The following ZNF90 variants were observed in gnomAD, a reference collection of about 807,000 sequenced individuals.
ZNF90 encodes zinc finger protein HTF9.
ZNF90 carries 11 observed loss-of-function variants against 12.0 expected under a neutral mutation model. The ratio of observed to expected loss-of-function variants is 0.92; its 90% CI spans 0.58 to 1.52. The LOEUF (loss-of-function observed/expected upper bound fraction) is 1.52. Among genes scored for constraint, ZNF90 ranks in the 40% most tolerant of loss-of-function variants. The pLI is 0.00. For missense variants in ZNF90, 765 were observed against 711.5 expected (o/e 1.08, Z -0.86); for synonymous variants, 232 against 240.1 (o/e 0.97, Z 0.31).
chr19:20,080,809 T>G (rs146387858), intron 1 of ZNF90, among the ~76,000 whole-genome samples: 1 of 152,208 alleles, frequency 6.6e-6, no homozygotes, highest in East Asian at 1.9e-4. Flanking sequence ...CTGTGCTGAC[T>G]CTGGGTGGTG....
Position 20,118,060 on chromosome 19 carries a change from G to T in ZNF90, c.506G>T (p.Gly169Val). ...AACAGACATAAGATAAGAGATACTG[G>T]AAAAAAACCTTTCAAATGTATAGAA... ...NSNRHKIRDT[G>V]KKPFKCIECG... The change falls in exon 4 of 4, where the codon GGA becomes GTA. Residue 169 changes from glycine (G) to valine (V), a missense_variant. Coordinates refer to ENST00000418063, the MANE Select transcript of ZNF90 (RefSeq NM_007138.2). The T allele has an allele frequency of 6.2e-7, 1 of 1,612,632 alleles. No homozygotes were observed. Among genetic ancestry groups the T allele is most frequent in the South Asian group, 1.1e-5 (1 of 90,984 alleles).
At chr19:20,116,076 T>G (rs2122526689) in intron 3 of ZNF90, among the ~76,000 whole-genome samples, 2 of 152,306 alleles carry the variant, frequency 1.3e-5, no homozygotes, top group Middle Eastern at 3.4e-3. Context: ...TTTCACCATG[T>G]TGGCTATGCT....
chr19:20,113,138 C>T (rs1555705308), intron 3 of ZNF90, among the ~76,000 whole-genome samples: 2 of 151,266 alleles, frequency 1.3e-5, no homozygotes, highest in Non-Finnish European at 2.9e-5. Flanking sequence ...TTTTGTGTCA[C>T]TTGTGTGTTT....
At chr19:20,092,541 A>G (rs2088910810) in intron 1 of ZNF90, among the ~76,000 whole-genome samples, 1 of 152,142 alleles carries the variant, frequency 6.6e-6, no homozygotes, top group South Asian at 2.1e-4. Flanking sequence ...GAGTGGGGAA[A>G]GGATTTAGGA....
rs1259700021 is a variant in ZNF90 at position 20,078,143 on chromosome 19, T to A, written c.3+8T>A. On this transcript the variant is annotated splice_region_variant and intron_variant, in intron 1 of 3. Coordinates refer to ENST00000418063, the MANE Select transcript of ZNF90 (RefSeq NM_007138.2). ...CCCGGAAGCCTAGAAATGGTGAGAG[T>A]GCCTTTCCAGCATTCCGAGAGAGGG... The A allele has an allele frequency of 6.2e-7, 1 of 1,613,902 alleles. No individual in the cohort carries two copies. The highest frequency in any genetic ancestry group is 8.5e-7 in the Non-Finnish European group (1 of 1,179,966).
intron 1 of ZNF90, among the ~76,000 whole-genome samples, chr19:20,081,494 T>C (rs1005800286): frequency 1.3e-5 from 2 of 152,204 alleles, no homozygotes; most frequent in Non-Finnish European, 2.9e-5. Flanking sequence ...GCCAGCATTT[T>C]TGATCCTAGT....
At chr19:20,104,082 A>C (rs1338797459) in intron 1 of ZNF90, among the ~76,000 whole-genome samples, 157 bp from the exon 2 acceptor site, 1 of 152,186 alleles carries the variant, frequency 6.6e-6, no homozygotes, top group African/African-American at 2.4e-5. Context: ...ATATTAGAAA[A>C]TATTTTTGTG....
intron 1 of ZNF90, chr19:20,080,337 G>T: frequency 4.1e-6 from 2 of 491,580 alleles, no homozygotes; most frequent in Admixed American, 2.6e-5. Flanking sequence ...AACACTCTGA[G>T]CCACAGGAGA....
At chr19:20,107,972 A>G (rs1431193931) in intron 3 of ZNF90, among the ~76,000 whole-genome samples, 4 of 152,258 alleles carry the variant, frequency 2.6e-5, no homozygotes, top group Non-Finnish European at 4.4e-5. Context: ...ATTATTTCCT[A>G]ATATTTGTTT....
intron 1 of ZNF90, among the ~76,000 whole-genome samples, chr19:20,086,510 A>G (rs1555702081): frequency 6.6e-6 from 1 of 152,116 alleles, no homozygotes; most frequent in African/African-American, 2.4e-5. Flanking sequence ...TGCTGGGATT[A>G]CAGGGGTGAG....
At chr19:20,091,137 A>T (rs1475980608) in intron 1 of ZNF90, among the ~76,000 whole-genome samples, 1 of 152,164 alleles carries the variant, frequency 6.6e-6, no homozygotes, top group African/African-American at 2.4e-5. Flanking sequence ...ATCCAGTGAA[A>T]GTGTCTACCC....
At chr19:20,086,176 A>G (rs2088857569) in intron 1 of ZNF90, among the ~76,000 whole-genome samples, 1 of 149,796 alleles carries the variant, frequency 6.7e-6, no homozygotes, top group Non-Finnish European at 1.5e-5. Context: ...TAGTATAGTT[A>G]TGTGTAATGT....
intron 3 of ZNF90, among the ~76,000 whole-genome samples, chr19:20,117,048 A>T (rs59637187): frequency 0.28 from 37,344 of 132,926 alleles, 7,933 homozygotes; most frequent in African/African-American, 0.63. Flanking sequence ...TGTGTGTGTG[A>T]GAGAGAGAGA....
intron 3 of ZNF90, among the ~76,000 whole-genome samples, chr19:20,106,523 C>CG (rs1468902899): frequency 2.0e-5 from 3 of 152,092 alleles, no homozygotes; most frequent in African/African-American, 7.2e-5. Flanking sequence ...GGCGCGATTT[C>CG]GCTCATTGCA....
chr19:20,095,230 G>C (rs916493723), intron 1 of ZNF90, among the ~76,000 whole-genome samples: 2 of 152,108 alleles, frequency 1.3e-5, no homozygotes, highest in East Asian at 3.8e-4. Flanking sequence ...ATGCCTGGAC[G>C]TAAGGCACCT....
At chr19:20,110,496 C>T (rs560134810) in intron 3 of ZNF90, among the ~76,000 whole-genome samples, 14 of 152,172 alleles carry the variant, frequency 9.2e-5, no homozygotes, top group South Asian at 4.2e-4. Context: ...AGACTCCTGA[C>T]GTCAGGTGAT....
chr19:20,082,513 G>T (rs996884730), intron 1 of ZNF90, among the ~76,000 whole-genome samples: 8 of 152,276 alleles, frequency 5.3e-5, no homozygotes, highest in Middle Eastern at 3.4e-3. Flanking sequence ...TCCACTCAAG[G>T]TTTAATGGAT....
In ZNF90 at chr19:20,118,635, A is replaced by G; in HGVS notation, c.1081A>G (p.Arg361Gly). The G allele has an allele frequency of 1.9e-6, 3 of 1,612,238 alleles. No individual in the cohort carries two copies. Among genetic ancestry groups the G allele is most frequent in the Non-Finnish European group, 2.5e-6 (3 of 1,179,374 alleles). ...RRSLVLRTHK[R>G]IHTGEKPYKC... is the part of the protein sequence containing the mutation. ...CTCCTTAGTCCTTCGTACACATAAG[A>G]GAATTCATACTGGAGAGAAACCCTA... The change falls in exon 4 of 4, where the codon AGA becomes GGA. Residue 361 changes from arginine (R) to glycine (G), a missense_variant. Arg to Gly is a moderately radical substitution (Grantham distance 125). Transcript: ENST00000418063.
chr19:20,085,613 T>A (rs1018410479), intron 1 of ZNF90, among the ~76,000 whole-genome samples: 1 of 152,212 alleles, frequency 6.6e-6, no homozygotes, highest in Non-Finnish European at 1.5e-5. Flanking sequence ...TTCTCTCTTT[T>A]GGTTTTTCCC....
Sources: gnomAD v4.1 joint callset for allele counts (sites outside exome capture counted in the v4.1 genomes callset) on GRCh38, gnomAD v4.1.1 for gene constraint, MANE v1.5 for transcripts, NCBI Gene and HGNC (gene_info 2026-07-23, HGNC 2026-07-21) for gene names.